PITPNM2: variants seen among roughly 807,000 people sequenced by gnomAD.
PITPNM2 encodes the protein membrane-associated phosphatidylinositol transfer protein 2.
In PITPNM2, 35 loss-of-function variants were observed where a neutral mutation model predicts 132.2. The observed-to-expected ratio is 0.26, with a 90% CI of 0.20 to 0.35. The LOEUF (loss-of-function observed/expected upper bound fraction) is 0.35, where lower values mean the gene tolerates loss of function less well. Ranked by LOEUF, PITPNM2 falls within the 10% of genes least tolerant of loss-of-function variation. PITPNM2 has a pLI of 1.00. For missense variants in PITPNM2, 1,332 were observed against 1,912.0 expected, an observed-to-expected ratio of 0.70 and a Z score of 5.66; for synonymous variants, 738 against 799.2, an observed-to-expected ratio of 0.92 and a Z score of 1.29.
At chr12:123,104,844 C>T (rs2042664239) in intron 2 of PITPNM2, among the ~76,000 whole-genome samples, 1 of 152,130 alleles carries the variant, frequency 6.6e-6, no homozygotes, top group Admixed American at 6.5e-5. Context: ...CAGCTTCCTC[C>T]CTTCCTCCCA....
chr12:122,988,814 G>A lies in PITPNM2; in HGVS notation c.2790C>T (p.Ala930=), dbSNP rs913029702. 7 of 1,585,582 alleles carry A rather than the reference G, an allele frequency of 4.4e-6. No individual in the cohort carries two copies. The highest frequency in any genetic ancestry group is 6.0e-6 in the Non-Finnish European group (7 of 1,166,136). The change falls in exon 19 of 26, where the codon GCC becomes GCT. Residue 930 remains alanine, a synonymous_variant. Coordinates refer to ENST00000320201, the MANE Select transcript of PITPNM2 (RefSeq NM_020845.3). ...GAGCCACCGTGGGGAAGGCCGTGAGGGCGTCAGGGCAGTACAGGGCGTAGT... is the reference window on the plus strand; with the variant it reads ...GAGCCACCGTGGGGAAGGCCGTGAGAGCGTCAGGGCAGTACAGGGCGTAGT... ...RIDYALYCPD[A]LTAFPTVALP...
At position 123,000,830 on chromosome 12, in the gene PITPNM2, C is replaced by T; in HGVS notation, c.1172G>A (p.Gly391Asp). 1 of 1,614,078 alleles carries T rather than the reference C, an allele frequency of 6.2e-7. No homozygotes were observed. Residue 391 changes from glycine (G) to aspartate (D), a missense_variant, in exon 10 of 26, where the codon GGT becomes GAT. By Grantham distance (94) the Gly-to-Asp change is moderately conservative. Transcript: ENST00000320201. The surrounding 1 kb of genome is among the most constrained non-coding windows in gnomAD (Gnocchi z 5.4). ...GGAGGCCACCCTGAACTCAGGGGCA[C>T]CCTGGCGGTACAGACCATCTGCAAA... Reference protein sequence around the residue: ...EDTQDGLYRQGAPEFRVASSV... With the variant: ...EDTQDGLYRQDAPEFRVASSV...
intron 3 of PITPNM2, among the ~76,000 whole-genome samples, chr12:123,026,076 G>A (rs968185133): frequency 6.6e-6 from 1 of 152,162 alleles, no homozygotes; most frequent in African/African-American, 2.4e-5. Flanking sequence ...TAGGTGCTCC[G>A]TAAATTCTTA....
intron 1 of PITPNM2, among the ~76,000 whole-genome samples, chr12:123,145,039 G>A (rs549938121): frequency 3.3e-5 from 5 of 152,178 alleles, no homozygotes; most frequent in East Asian, 3.9e-4. Flanking sequence ...GTTAGCCAGC[G>A]TGGTGCACAA....
At chr12:123,149,426 A>C (rs899321221) in intron 1 of PITPNM2, among the ~76,000 whole-genome samples, 6 of 152,206 alleles carry the variant, frequency 3.9e-5, no homozygotes, top group African/African-American at 1.4e-4. Context: ...GTCCATTCCA[A>C]CCACAGAATA....
At position 123,012,704 on chromosome 12, in the gene PITPNM2, G is replaced by A; in HGVS notation, c.324C>T (p.Ser108=). 6.2e-7 allele frequency: 1 copy of A among 1,614,160 alleles called. No homozygotes were observed. The highest frequency in any genetic ancestry group is 8.5e-7 in the Non-Finnish European group (1 of 1,179,986). ...RFTCPFVEKF[S]IDIETFYKTD... is the part of the protein sequence containing the mutation. Reference sequence around the variant, plus strand: ...TTTTATAAAAGGTTTCAATGTCGATGGAGAATTTCTCCACGAAAGGACAGG... The same window carrying A: ...TTTTATAAAAGGTTTCAATGTCGATAGAGAATTTCTCCACGAAAGGACAGG... Residue 108 remains serine (S), a synonymous_variant, in exon 5 of 26, where the codon TCC becomes TCT. Coordinates refer to ENST00000320201, the MANE Select transcript of PITPNM2 (RefSeq NM_020845.3).
In PITPNM2 at chr12:122,986,163, C is replaced by T; in HGVS notation, c.3914G>A (p.Ser1305Asn). The T allele has an allele frequency of 1.3e-6, 2 of 1,535,874 alleles. No individual in the cohort carries two copies. Among genetic ancestry groups the T allele is most frequent in the Non-Finnish European group, 8.7e-7 (1 of 1,146,086 alleles). Residue 1305 changes from serine to asparagine, a missense_variant, in exon 26 of 26, where the codon AGC (serine) becomes AAC (asparagine). By Grantham distance (46) the Ser-to-Asn change is conservative (BLOSUM62 1). This residue lies in a region of PITPNM2 where 163 missense variants were observed against 177.2 expected (regional missense o/e 0.92). Coordinates refer to ENST00000320201, the MANE Select transcript of PITPNM2 (RefSeq NM_020845.3). Reference protein sequence around the residue: ...RTISAQPSGPSHRHERTQSQA... With the variant: ...RTISAQPSGPNHRHERTQSQA... ...GCTCTGTGTCCGCTCGTGCCGGTGG[C>T]TGGGCCCGCTGGGCTGGGCCGAGAT...
intron 1 of PITPNM2, among the ~76,000 whole-genome samples, chr12:123,144,828 G>C (rs527837700): frequency 1.3e-4 from 20 of 152,312 alleles, no homozygotes; most frequent in Middle Eastern, 3.4e-3. Flanking sequence ...GCCTCCCAAA[G>C]TGCTGGGATT....
At chr12:123,092,720 C>T (rs990032905) in intron 2 of PITPNM2, 3 of 152,244 alleles carry the variant, frequency 2.0e-5, no homozygotes, top group African/African-American at 4.8e-5. Context: ...CCTAGGTCTC[C>T]GAAAGAGTGA....
Position 123,005,327 on chromosome 12 carries a change from T to C in PITPNM2, c.865A>G (p.Ser289Gly). ...CCCACTAGGGGCTCCCCATTGCTGCTGCTGGGCTCCGGGGGCTCCCCAGAG... is the reference window on the plus strand; with the variant it reads ...CCCACTAGGGGCTCCCCATTGCTGCCGCTGGGCTCCGGGGGCTCCCCAGAG... ...QTSGEPPEPS[S>G]SNGEPLVGRG... is the part of the protein sequence containing the mutation. Residue 289 changes from serine to glycine, a missense_variant, in exon 7 of 26, where the codon AGC becomes GGC. Coordinates refer to ENST00000320201, the MANE Select transcript of PITPNM2 (RefSeq NM_020845.3). This position sits in a 1 kb window ranked among gnomAD's most constrained non-coding sequence, Gnocchi z 6.2. 1.2e-6 allele frequency: 2 copies of C among 1,614,058 alleles called. No homozygotes were observed. Among genetic ancestry groups the C allele is most frequent in the Non-Finnish European group, 1.7e-6 (2 of 1,179,998 alleles).
intron 3 of PITPNM2, among the ~76,000 whole-genome samples, chr12:123,028,790 G>A (rs1448115682): frequency 1.3e-5 from 2 of 152,164 alleles, no homozygotes; most frequent in African/African-American, 2.4e-5. Flanking sequence ...GGGCACAGAC[G>A]GGCAGGTGGG....
At position 122,993,475 on chromosome 12, in the gene PITPNM2, C is replaced by T. The variant is rs937215567; in HGVS notation, c.2234-806G>A. Among the ~76,000 whole-genome samples, 2 of 152,232 alleles carry T rather than the reference C, an allele frequency of 1.3e-5. No homozygotes were observed. The highest frequency in any genetic ancestry group is 2.4e-5 in the African/African-American group (1 of 41,462). On this transcript the variant is annotated intron_variant, in intron 15 of 25. Transcript: ENST00000320201. This position sits in a 1 kb window ranked among gnomAD's most constrained non-coding sequence, Gnocchi z 5.2. ...TATGCCTTCTGAACTTTGCCTTTTC[C>T]TCCCATTTAACACAAAAAATGTTGG...
chr12:123,014,262 C>T (rs552353798), intron 3 of PITPNM2, among the ~76,000 whole-genome samples: 2 of 152,232 alleles, frequency 1.3e-5, no homozygotes, highest in Non-Finnish European at 2.9e-5. Context: ...CCTAGTGCTG[C>T]ACACACAAGT....
chr12:123,123,319 T>C (rs2043068362), intron 1 of PITPNM2, among the ~76,000 whole-genome samples: 1 of 152,192 alleles, frequency 6.6e-6, no homozygotes, highest in Non-Finnish European at 1.5e-5. Flanking sequence ...GCTTTGTTTT[T>C]AAGTAATATA....
chr12:123,123,849 T>A (rs2043078939), intron 1 of PITPNM2, among the ~76,000 whole-genome samples: 1 of 150,496 alleles, frequency 6.6e-6, no homozygotes, highest in Non-Finnish European at 1.5e-5. Context: ...GGCACAAGAA[T>A]CGCCTGAACC....
intron 3 of PITPNM2, among the ~76,000 whole-genome samples, chr12:123,028,639 T>C (rs994690916): frequency 7.9e-5 from 12 of 152,210 alleles, no homozygotes; most frequent in Admixed American, 2.6e-4. Context: ...TTAGCAATGT[T>C]ACTGAGGTAT....
At chr12:122,987,139 T>G in intron 23 of PITPNM2, 142 bp downstream of exon 23, 5 of 1,220,560 alleles carry the variant, frequency 4.1e-6, no homozygotes, top group Non-Finnish European at 5.7e-6. Flanking sequence ...GGTGCTGGGC[T>G]CTGAACTGAG....
intron 1 of PITPNM2, among the ~76,000 whole-genome samples, chr12:123,123,744 A>G (rs1021905669): frequency 6.6e-6 from 1 of 151,976 alleles, no homozygotes; most frequent in Admixed American, 6.6e-5. Context: ...AGATCAGTCT[A>G]GCCAACATGA....
Position 123,143,194 on chromosome 12 carries a change from C to T in PITPNM2, c.-200+7559G>A, listed in dbSNP as rs929629687. Among the ~76,000 whole-genome samples, 7 of 151,534 alleles carry T rather than the reference C, an allele frequency of 4.6e-5. 1 individual carries two copies. The highest frequency in any genetic ancestry group is 4.6e-4 in the Admixed American group (7 of 15,210). On this transcript the variant is annotated intron_variant, in intron 1 of 25. Coordinates refer to ENST00000320201, the MANE Select transcript of PITPNM2 (RefSeq NM_020845.3). ...CAGCAGAGGGTGGAGCCAGCAGCAC[C>T]CATAACAAGCTCTCCCACTGGCTCA... is the stretch of plus-strand genomic sequence containing the variant.
Sources: gnomAD v4.1 joint callset for allele counts (sites outside exome capture counted in the v4.1 genomes callset) on GRCh38, gnomAD v4.1.1 for gene constraint, gnomAD v4.1.1 regional missense constraint, Gnocchi (gnomAD v3.1) non-coding constraint, MANE v1.5 for transcripts, NCBI Gene and HGNC (gene_info 2026-07-23, HGNC 2026-07-21) for gene names.